TMEM45B: variants seen among roughly 807,000 people sequenced by gnomAD.
TMEM45B encodes transmembrane protein 45B.
Under a neutral mutation model 27.3 loss-of-function variants are expected in TMEM45B, and 29 were observed. The ratio of observed to expected loss-of-function variants is 1.06; its 90% CI spans 0.79 to 1.45. The LOEUF is 1.45. TMEM45B is among the 40% of genes most tolerant of loss of function. The probability of loss-of-function intolerance (pLI) is 0.00; values close to 1 mark genes in which losing one functional copy is unlikely to be tolerated. For missense variants in TMEM45B, 348 were observed against 343.9 expected, an observed-to-expected ratio of 1.01 and a Z score of -0.09; for synonymous variants, 143 against 134.7, an observed-to-expected ratio of 1.06 and a Z score of -0.43.
intron 1 of TMEM45B, among the ~76,000 whole-genome samples, chr11:129,826,590 C>T (rs1482481214): frequency 1.4e-5 from 2 of 142,114 alleles, no homozygotes; most frequent in African/African-American, 5.1e-5. Context: ...GGCTATGTGT[C>T]TTGCTCAAGG....
intron 1 of TMEM45B, among the ~76,000 whole-genome samples, chr11:129,831,690 A>G (rs1947548542): frequency 6.6e-6 from 1 of 152,250 alleles, no homozygotes; most frequent in Non-Finnish European, 1.5e-5. Context: ...ATCATTATTC[A>G]TAACAATTCA....
chr11:129,832,085 A>AAAAG (rs1947555827), intron 1 of TMEM45B, among the ~76,000 whole-genome samples: 2 of 147,406 alleles, frequency 1.4e-5, no homozygotes, highest in Non-Finnish European at 3.0e-5. Context: ...AAAAAAAAAA[A>AAAAG]AGGATCCGGA....
intron 1 of TMEM45B, among the ~76,000 whole-genome samples, chr11:129,822,717 G>A (rs1947433445): frequency 6.6e-6 from 1 of 151,796 alleles, no homozygotes; most frequent in African/African-American, 2.4e-5. Context: ...TGTTCTCCAT[G>A]TTTTATTTTC....
At chr11:129,847,391 A>C (rs950396357) in intron 1 of TMEM45B, among the ~76,000 whole-genome samples, 2 of 151,422 alleles carry the variant, frequency 1.3e-5, no homozygotes, top group African/African-American at 4.9e-5. Context: ...GCATTTTTTT[A>C]AAAGCTTATG....
At chr11:129,858,236 C>T (rs756796180) in intron 5 of TMEM45B, among the ~76,000 whole-genome samples, 1 of 152,106 alleles carries the variant, frequency 6.6e-6, no homozygotes, top group Non-Finnish European at 1.5e-5. Flanking sequence ...GCAAAAGTAA[C>T]GGTGATTTTT....
intron 1 of TMEM45B, among the ~76,000 whole-genome samples, chr11:129,826,154 T>C (rs1947475446): frequency 6.6e-6 from 1 of 152,070 alleles, no homozygotes; most frequent in Non-Finnish European, 1.5e-5. Flanking sequence ...TGCTCCAACT[T>C]CTGCATTTCG....
At chr11:129,823,235 C>T (rs1947441767) in intron 1 of TMEM45B, among the ~76,000 whole-genome samples, 1 of 152,164 alleles carries the variant, frequency 6.6e-6, no homozygotes, top group African/African-American at 2.4e-5. Context: ...CTTCTGCAGC[C>T]CCACAGTGAT....
intron 1 of TMEM45B, among the ~76,000 whole-genome samples, chr11:129,839,927 T>C (rs959710867): frequency 2.6e-5 from 4 of 152,254 alleles, no homozygotes; most frequent in Non-Finnish European, 5.9e-5. Context: ...GTTGTGTATA[T>C]TAGGAAACAC....
At chr11:129,823,108 G>C (rs146619679) in intron 1 of TMEM45B, among the ~76,000 whole-genome samples, 2,351 of 152,052 alleles carry the variant, frequency 0.015, 50 homozygotes, top group African/African-American at 0.052. Context: ...CAAAGTGCTG[G>C]GATTACAGGC....
intron 1 of TMEM45B, among the ~76,000 whole-genome samples, chr11:129,846,246 T>C (rs906534149): frequency 6.6e-6 from 1 of 152,204 alleles, no homozygotes; most frequent in African/African-American, 2.4e-5. Context: ...GGCAGGTGGA[T>C]CACCTGAGGT....
chr11:129,848,900 G>T (rs1947805525), intron 1 of TMEM45B, among the ~76,000 whole-genome samples: 1 of 152,060 alleles, frequency 6.6e-6, no homozygotes, highest in Non-Finnish European at 1.5e-5. Flanking sequence ...CCTTTATAAG[G>T]GTGCTTAATC....
intron 1 of TMEM45B, among the ~76,000 whole-genome samples, chr11:129,831,511 A>C (rs1014925230): frequency 3.3e-5 from 5 of 152,172 alleles, no homozygotes; most frequent in African/African-American, 1.2e-4. Context: ...TGCCATTTAA[A>C]ATTTCTAAAT....
At chr11:129,848,328 C>G (rs1252977735) in intron 1 of TMEM45B, among the ~76,000 whole-genome samples, 1 of 151,826 alleles carries the variant, frequency 6.6e-6, no homozygotes, top group Non-Finnish European at 1.5e-5. Flanking sequence ...CCGGCCAACA[C>G]AGCGAAACCC....
At chr11:129,840,424 A>T (rs1289785118) in intron 1 of TMEM45B, among the ~76,000 whole-genome samples, 1 of 152,192 alleles carries the variant, frequency 6.6e-6, no homozygotes, top group Non-Finnish European at 1.5e-5. Context: ...AAGTGCAGGG[A>T]GGAGGGAAGC....
At chr11:129,857,289 C>G in intron 4 of TMEM45B, 24 bp from the exon 5 acceptor site, 1 of 1,610,848 alleles carries the variant, frequency 6.2e-7, no homozygotes, top group Non-Finnish European at 8.5e-7. Flanking sequence ...ACCACAAGAC[C>G]AACTTCTCTC....
At chr11:129,835,344 G>C (rs546293176) in intron 1 of TMEM45B, among the ~76,000 whole-genome samples, 1 of 152,332 alleles carries the variant, frequency 6.6e-6, no homozygotes, top group South Asian at 2.1e-4. Context: ...GAACAGAGAT[G>C]TGGTTTTCCC....
chr11:129,846,851 C>G (rs1243441563), intron 1 of TMEM45B, among the ~76,000 whole-genome samples: 1 of 152,134 alleles, frequency 6.6e-6, no homozygotes, highest in South Asian at 2.1e-4. Context: ...GAACACTGTT[C>G]TAGAAGCCAC....
intron 1 of TMEM45B, among the ~76,000 whole-genome samples, chr11:129,829,101 TAC>T (rs748571667): frequency 1.1e-4 from 16 of 152,046 alleles, no homozygotes; most frequent in Non-Finnish European, 2.2e-4. Context: ...GAAGGAGGAG[TAC>T]TGAGATTCAC....
intron 1 of TMEM45B, among the ~76,000 whole-genome samples, chr11:129,818,660 T>G (rs1947380423): frequency 6.6e-6 from 1 of 152,218 alleles, no homozygotes; most frequent in Admixed American, 6.5e-5. Context: ...TTGTGATTTG[T>G]TTTTCCCGAA....
Sources: gnomAD v4.1 joint callset for allele counts (sites outside exome capture counted in the v4.1 genomes callset) on GRCh38, gnomAD v4.1.1 for gene constraint, MANE v1.5 for transcripts, NCBI Gene and HGNC (gene_info 2026-07-23, HGNC 2026-07-21) for gene names.